Variants in KIAA0825 observed in about 807,000 individuals in gnomAD.
The protein encoded by KIAA0825 is KIAA0825, also known as uncharacterized protein KIAA0825.
KIAA0825 carries 119 observed loss-of-function variants against 147.6 expected under a neutral mutation model. That is an observed-to-expected ratio of 0.81 (90% CI 0.69 to 0.94). KIAA0825 has a LOEUF of 0.94. Ranked by LOEUF, KIAA0825 falls within the 40% of genes least tolerant of loss-of-function variation. The pLI, the probability that KIAA0825 is intolerant of heterozygous loss-of-function variation, is 0.00. For missense variants in KIAA0825, 1,381 were observed against 1,472.7 expected (o/e 0.94, Z 1.02); for synonymous variants, 470 against 518.1 (o/e 0.91, Z 1.26).
In KIAA0825 at chr5:94,473,546, T is replaced by C. The variant is rs1387104247; in HGVS notation, c.1228-27A>G. ...TGAAATATCAATGTATATGAAGTCATGTTAATCTTAACTCAGCAACAAATG... is the reference window on the plus strand; with the variant it reads ...TGAAATATCAATGTATATGAAGTCACGTTAATCTTAACTCAGCAACAAATG... On this transcript the variant is annotated intron_variant, in intron 7 of 20. Coordinates refer to ENST00000682413, the MANE Select transcript of KIAA0825 (RefSeq NM_001145678.3). 85 of 1,389,876 alleles carry C rather than the reference T, an allele frequency of 6.1e-5. No individual in the cohort carries two copies. In the East Asian group the frequency reaches 7.2e-4, roughly 12 times the overall value. 86.1% of individuals were successfully genotyped at this position (1,389,876 alleles called of 1,614,324 possible).
Position 94,234,414 on chromosome 5 carries a change from AAAT to A in KIAA0825, c.3711-80293_3711-80291del, listed in dbSNP as rs369069254. ...AAATAAAAATAAAAAAATAAAAAAA[AAAT>A]ATGTATTAAAGTGATCTATGATCAG... is the stretch of plus-strand genomic sequence containing the variant. On this transcript the variant is annotated intron_variant, in intron 20 of 20. Transcript: ENST00000682413. Among the ~76,000 whole-genome samples the A allele has an allele frequency of 1.4e-3, 216 of 152,004 alleles. 1 individual carries two copies. Among genetic ancestry groups the A allele is most frequent in the African/African-American group, 4.7e-3 (195 of 41,558 alleles).
chr5:94,422,053 T>C (rs1044877522), intron 14 of KIAA0825, among the ~76,000 whole-genome samples: 1 of 152,188 alleles, frequency 6.6e-6, no homozygotes, highest in Non-Finnish European at 1.5e-5. Context: ...AGCTATAGTT[T>C]AATTCTTTTA....
chr5:94,438,912 C>A (rs13183621), intron 14 of KIAA0825, among the ~76,000 whole-genome samples: 35,162 of 152,018 alleles, frequency 0.23, 4,544 homozygotes, highest in Middle Eastern at 0.32. Flanking sequence ...GTAGCCAAGA[C>A]GAAAGTTCAC....
At chr5:94,382,951 C>T (rs1178944847) in intron 20 of KIAA0825, among the ~76,000 whole-genome samples, 2 of 152,186 alleles carry the variant, frequency 1.3e-5, no homozygotes, top group East Asian at 3.8e-4. Flanking sequence ...AAACTCAAAA[C>T]TTTCCAAATA....
At chr5:94,417,436 A>G (rs971525772) in intron 14 of KIAA0825, 71 bp from the exon 15 acceptor site, 2 of 1,177,174 alleles carry the variant, frequency 1.7e-6, no homozygotes, top group African/African-American at 3.1e-5. Context: ...TTAAACTCTT[A>G]CTATGTACAC....
At chr5:94,593,283 A>G in intron 1 of KIAA0825, 1 of 773,778 alleles carries the variant, frequency 1.3e-6, no homozygotes, top group Non-Finnish European at 2.4e-6. Flanking sequence ...TTAGTCCATT[A>G]ATGGGAAAAA....
chr5:94,495,377 C>G (rs958144215), intron 5 of KIAA0825, among the ~76,000 whole-genome samples: 6 of 152,204 alleles, frequency 3.9e-5, no homozygotes, highest in African/African-American at 9.7e-5. Flanking sequence ...CCAAATACGA[C>G]TTTGCAGCCC....
At chr5:94,404,893 G>A (rs560072063) in intron 15 of KIAA0825, among the ~76,000 whole-genome samples, 72 of 152,256 alleles carry the variant, frequency 4.7e-4, no homozygotes, top group African/African-American at 1.7e-3. Flanking sequence ...AAAATGGTGA[G>A]GGGAGAGGGT....
intron 20 of KIAA0825, among the ~76,000 whole-genome samples, chr5:94,324,036 A>C (rs1333790593): frequency 6.6e-6 from 1 of 152,040 alleles, no homozygotes; most frequent in Non-Finnish European, 1.5e-5. Flanking sequence ...TCAAAGGCTA[A>C]ATCAGGAGGC....
chr5:94,345,819 A>C (rs1782918350), intron 20 of KIAA0825, among the ~76,000 whole-genome samples: 1 of 151,996 alleles, frequency 6.6e-6, no homozygotes, highest in Admixed American at 6.6e-5. Context: ...GTCTCCAAAA[A>C]CCGAGCTCTC....
rs750485559 is a variant in KIAA0825, at chr5:94,396,386, T to G, written c.3011A>C (p.Lys1004Thr). The change falls in exon 17 of 21, where the codon AAA (lysine) becomes ACA (threonine). Residue 1004 changes from lysine (K) to threonine (T), a missense_variant. Coordinates refer to ENST00000682413, the MANE Select transcript of KIAA0825 (RefSeq NM_001145678.3). ...GCCAGCTTTCTTCAATTCAACAAAT[T>G]TTTTTGACATTTTTCTCTCAGACAG... is the stretch of plus-strand genomic sequence containing the variant. ...FFLSERKMSK[K>T]FVELKKAGLL... is the part of the protein sequence containing the mutation. The G allele has an allele frequency of 1.9e-6, 3 of 1,550,748 alleles. No homozygotes were observed. The South Asian group carries it at 3.6e-5, about 19-fold the overall frequency.
At chr5:94,564,821 A>G in intron 2 of KIAA0825, among the ~76,000 whole-genome samples, 1 of 152,164 alleles carries the variant, frequency 6.6e-6, no homozygotes, top group East Asian at 1.9e-4. Flanking sequence ...GGTTCAACTT[A>G]TCCCTGTGCA....
chr5:94,607,350 C>T (rs112132933), intron 1 of KIAA0825, among the ~76,000 whole-genome samples: 2,485 of 152,120 alleles, frequency 0.016, 72 homozygotes, highest in African/African-American at 0.056. Context: ...AGGCTGGGTG[C>T]GGTGGCTCAT....
Position 94,375,238 on chromosome 5 carries a change from A to G in KIAA0825, c.3710+9130T>C, listed in dbSNP as rs1007462170. Among the ~76,000 whole-genome samples the G allele has an allele frequency of 3.3e-5, 5 of 151,844 alleles. No individual in the cohort carries two copies. In the South Asian group the frequency reaches 8.3e-4, roughly 25 times the overall value. ...AGTAGAGACAGGGTTTCACTATGTTAGCCAGGATGATCTTGATCTCCTGAC... is the reference window on the plus strand; with the variant it reads ...AGTAGAGACAGGGTTTCACTATGTTGGCCAGGATGATCTTGATCTCCTGAC... On this transcript the variant is annotated intron_variant, in intron 20 of 20. Transcript: ENST00000682413.
chr5:94,565,005 T>C (rs1403149760), intron 2 of KIAA0825, among the ~76,000 whole-genome samples: 15 of 127,770 alleles, frequency 1.2e-4, no homozygotes, highest in Admixed American at 7.8e-4. Context: ...TCTCTCTCTC[T>C]CTCCCTCTCT....
intron 15 of KIAA0825, among the ~76,000 whole-genome samples, chr5:94,410,255 G>T (rs1584410347): frequency 6.9e-6 from 1 of 144,184 alleles, no homozygotes; most frequent in South Asian, 2.2e-4. Context: ...CCAAACAAAA[G>T]AACAGACAGA....
At chr5:94,161,838 A>G (rs1445961105) in intron 20 of KIAA0825, among the ~76,000 whole-genome samples, 1 of 152,216 alleles carries the variant, frequency 6.6e-6, no homozygotes, top group Non-Finnish European at 1.5e-5. Flanking sequence ...TAATATGACA[A>G]ATGCAAAAAC....
chr5:94,356,484 C>T (rs958707053), intron 20 of KIAA0825, among the ~76,000 whole-genome samples: 3 of 150,990 alleles, frequency 2.0e-5, no homozygotes, highest in East Asian at 2.0e-4. Flanking sequence ...TGGTCGCGGG[C>T]GCCTGTAGTC....
In KIAA0825 at chr5:94,153,032, C is replaced by T. The variant is rs939744597; in HGVS notation, c.*975G>A. 13 of 148,770 alleles carry T rather than the reference C, an allele frequency of 8.7e-5. No homozygotes were observed. The highest frequency in any genetic ancestry group is 8.9e-5 in the Non-Finnish European group (6 of 67,274). The allele number at this position is 148,770 out of a possible 1,614,324, so 9.2% of individuals were successfully genotyped here. A position where few individuals can be genotyped will look rare whatever the true frequency, so the allele number is the denominator to read the frequency against. The stretch of plus-strand genomic sequence containing the variant: ...CTTGATGAAATAACACTGTAGTAGG[C>T]ATACAGGGAGTTATAAAGGGAGACT... On this transcript the variant is annotated 3_prime_UTR_variant, in exon 21 of 21. Coordinates refer to ENST00000682413, the MANE Select transcript of KIAA0825 (RefSeq NM_001145678.3).
Sources: gnomAD v4.1 joint callset for allele counts (sites outside exome capture counted in the v4.1 genomes callset) on GRCh38, gnomAD v4.1.1 for gene constraint, MANE v1.5 for transcripts, NCBI Gene and HGNC (gene_info 2026-07-23, HGNC 2026-07-21) for gene names.